MYLK3: variants seen among roughly 807,000 people sequenced by gnomAD.
MYLK3 encodes the protein myosin light chain kinase 3.
In MYLK3, 55 loss-of-function variants were observed where a neutral mutation model predicts 76.3. The ratio of observed to expected loss-of-function variants is 0.72; its 90% confidence interval spans 0.58 to 0.90. The LOEUF is 0.90. MYLK3 is among the 40% of genes least tolerant of loss of function. The pLI is 0.00. For missense variants in MYLK3, 973 were observed against 1,053.6 expected, an observed-to-expected ratio of 0.92 and a Z score of 1.06; for synonymous variants, 416 against 425.4, an observed-to-expected ratio of 0.98 and a Z score of 0.27.
chr16:46,754,291 A>T (rs1417116735), intron 1 of MYLK3, among the ~76,000 whole-genome samples: 2 of 152,032 alleles, frequency 1.3e-5, no homozygotes, highest in Non-Finnish European at 1.5e-5. Flanking sequence ...GAGAAGATTT[A>T]AAAACTCCCT....
chr16:46,709,709 G>T (rs375813659), intron 11 of MYLK3, 38 bp from the exon 12 acceptor site: 66 of 1,601,198 alleles, frequency 4.1e-5, no homozygotes, highest in Non-Finnish European at 5.3e-5. Context: ...TTTAGTTGGA[G>T]TTGCCTTTTC....
intron 9 of MYLK3, among the ~76,000 whole-genome samples, chr16:46,718,372 G>C (rs1401808040): frequency 6.6e-6 from 1 of 152,186 alleles, no homozygotes; most frequent in Non-Finnish European, 1.5e-5. Flanking sequence ...GTGTGATAGA[G>C]ACCCTGTCTC....
rs911323965 is a variant in MYLK3, at chr16:46,724,697, T to C, written c.1914+2539A>G. Among the ~76,000 whole-genome samples, 138 of 152,254 alleles carry C rather than the reference T, an allele frequency of 9.1e-4. 1 individual carries two copies. Among genetic ancestry groups the C allele is most frequent in the Non-Finnish European group, 4.4e-5 (3 of 68,032 alleles). ...TAGTAATACGTTGTTTTGGTTTCTG[T>C]AGCATTGTAGAAAGTTTCAAAATTG... is the stretch of plus-strand genomic sequence containing the variant. On this transcript the variant is annotated intron_variant, in intron 8 of 12. Coordinates refer to ENST00000394809, the MANE Select transcript of MYLK3 (RefSeq NM_182493.3).
rs1193027604 is a variant in MYLK3, at chr16:46,702,925, G to GA, written c.*4778dup. 2.2e-3 allele frequency among the ~76,000 whole-genome samples: 160 copies of GA among 73,612 alleles called. No homozygotes were observed. The highest frequency in any genetic ancestry group is 0.011 in the East Asian group (27 of 2,430). The allele number at this position is 73,612 out of a possible 152,430, so 48.3% of individuals were successfully genotyped here. ...ACAGAGTGAGACTCCATCTTGGAAA[G>GA]AAAAAAAAAAAAAGGAATACATGCT... On this transcript the variant is annotated 3_prime_UTR_variant, in exon 13 of 13. Transcript: ENST00000394809.
intron 3 of MYLK3, among the ~76,000 whole-genome samples, chr16:46,732,978 G>A (rs1177257040): frequency 6.6e-6 from 1 of 152,198 alleles, no homozygotes; most frequent in East Asian, 1.9e-4. Flanking sequence ...CTTCCCCTGG[G>A]CCCAGTTTCC....
intron 1 of MYLK3, chr16:46,757,331 C>A: frequency 7.2e-6 from 7 of 973,380 alleles, no homozygotes; most frequent in Non-Finnish European, 8.5e-6. Context: ...GACCGGGGAA[C>A]AACTGTCACC....
chr16:46,737,834 G>A lies in MYLK3; in HGVS notation c.878C>T (p.Pro293Leu). The A allele has an allele frequency of 6.2e-7, 1 of 1,613,690 alleles. No individual in the cohort carries two copies. The highest frequency in any genetic ancestry group is 2.2e-5 in the East Asian group (1 of 44,874). ...GCCTTCCTCTAAGGGCTCAGGGTCA[G>A]GCCTGCTGGACGATGCTCCTTGTCC... ...GAGQGASSSR[P>L]DPEPLEEGTR... is the part of the protein sequence containing the mutation. Residue 293 changes from proline (P) to leucine (L), a missense_variant, in exon 3 of 13, where the codon CCT (proline) becomes CTT (leucine). Coordinates refer to ENST00000394809, the MANE Select transcript of MYLK3 (RefSeq NM_182493.3).
At chr16:46,740,441 T>C (rs1966910333) in intron 1 of MYLK3, among the ~76,000 whole-genome samples, 1 of 151,104 alleles carries the variant, frequency 6.6e-6, no homozygotes, top group Non-Finnish European at 1.5e-5. Context: ...CAGCCCCCGA[T>C]ACAGGGTTCA....
chr16:46,711,952 T>A (rs1160190895), intron 10 of MYLK3, among the ~76,000 whole-genome samples: 1 of 151,934 alleles, frequency 6.6e-6, no homozygotes, highest in African/African-American at 2.4e-5. Flanking sequence ...ATTACTTTTA[T>A]GTCTCAGTAC....
chr16:46,747,691 G>T lies in MYLK3; in HGVS notation c.477+26C>A, dbSNP rs1245237159. ...CACCAGGGCCGGGGCCTCCCATCCA[G>T]CCAGGGCAGGGAAGCAGGAACCAAC... On this transcript the variant is annotated intron_variant, in intron 1 of 12. Coordinates refer to ENST00000394809, the MANE Select transcript of MYLK3 (RefSeq NM_182493.3). The T allele has an allele frequency of 2.5e-6, 4 of 1,595,862 alleles. No individual in the cohort carries two copies. The South Asian group carries it at 3.4e-5, about 13-fold the overall frequency.
intron 1 of MYLK3, among the ~76,000 whole-genome samples, chr16:46,742,664 T>C (rs923385704): frequency 1.3e-5 from 2 of 152,180 alleles, no homozygotes; most frequent in African/African-American, 4.8e-5. Flanking sequence ...CTGCTCATTA[T>C]TTTGCGATTC....
At position 46,703,182 on chromosome 16, in the gene MYLK3, T is replaced by A. The variant is rs953365552; in HGVS notation, c.*4522A>T. Reference sequence around the variant, plus strand: ...CTTTCAGTATATCTAGATCTATCTATAACAGCTGTGAGGTATTCCACTACA... The same window carrying A: ...CTTTCAGTATATCTAGATCTATCTAAAACAGCTGTGAGGTATTCCACTACA... On this transcript the variant is annotated 3_prime_UTR_variant, in exon 13 of 13. Transcript: ENST00000394809. Among the ~76,000 whole-genome samples, 12 of 152,314 alleles carry A rather than the reference T, an allele frequency of 7.9e-5. No homozygotes were observed. Among genetic ancestry groups the A allele is most frequent in the African/African-American group, 2.6e-4 (11 of 41,570 alleles).
At chr16:46,751,124 T>C (rs748563435), upstream of MYLK3, among the ~76,000 whole-genome samples, 7 of 150,458 alleles carry the variant, frequency 4.7e-5, no homozygotes, top group Non-Finnish European at 8.9e-5. Context: ...ACATGAATTA[T>C]CTGAGGCCGG....
At chr16:46,722,639 A>G (rs1324988616) in intron 8 of MYLK3, among the ~76,000 whole-genome samples, 1 of 151,948 alleles carries the variant, frequency 6.6e-6, no homozygotes, top group Non-Finnish European at 1.5e-5. Context: ...GTCAAAAGAA[A>G]CAGGTGAACT....
chr16:46,702,408 T>C lies in MYLK3; in HGVS notation c.*5296A>G, dbSNP rs1208701061. Among the ~76,000 whole-genome samples, 2 of 152,132 alleles carry C rather than the reference T, an allele frequency of 1.3e-5. No individual in the cohort carries two copies. The highest frequency in any genetic ancestry group is 2.4e-5 in the African/African-American group (1 of 41,436). ...CCCATACACATCACCTAGACCCAAG[T>C]TATTAGATGTTGCCATACTTGCTTA... On this transcript the variant is annotated 3_prime_UTR_variant, in exon 13 of 13. Transcript: ENST00000394809.
At position 46,703,696 on chromosome 16, in the gene MYLK3, A is replaced by C. The variant is rs968900897; in HGVS notation, c.*4008T>G. The C allele has an allele frequency of 6.5e-6, 1 of 153,794 alleles. No homozygotes were observed. The highest frequency in any genetic ancestry group is 2.4e-5 in the African/African-American group (1 of 41,472). 9.5% of individuals were successfully genotyped at this position (153,794 alleles called of 1,614,324 possible). ...AAAAAAAGGATGCTAAAATCCACAT[A>C]GGTCACTTGTGTTGGCCTGGCCTAA... On this transcript the variant is annotated 3_prime_UTR_variant, in exon 13 of 13. Transcript: ENST00000394809.
chr16:46,726,693 GAAAGAAAGAAAGAAAGAAAGAA>G (rs1474700915), intron 8 of MYLK3: 37 of 129,998 alleles, frequency 2.8e-4, no homozygotes, highest in African/African-American at 1.0e-3. Flanking sequence ...AAGAAAGAAA[GAAAGAAAGAAAGAAAGAAAGAA>G]AGAAAGAAAG....
At chr16:46,740,722 T>C (rs1373619589) in intron 1 of MYLK3, among the ~76,000 whole-genome samples, 1 of 151,754 alleles carries the variant, frequency 6.6e-6, no homozygotes, top group African/African-American at 2.4e-5. Flanking sequence ...CGGCTAATTT[T>C]TGTATTTTTA....
Position 46,706,131 on chromosome 16 carries a change from A to G in MYLK3, c.*1573T>C, listed in dbSNP as rs1966622531. On this transcript the variant is annotated 3_prime_UTR_variant, in exon 13 of 13. Coordinates refer to ENST00000394809, the MANE Select transcript of MYLK3 (RefSeq NM_182493.3). ...GAGTGCCTACCCCCTTGCAGTAGAAAATCTGAGTATAACTTTTGTCTCCCC... is the reference window on the plus strand; with the variant it reads ...GAGTGCCTACCCCCTTGCAGTAGAAGATCTGAGTATAACTTTTGTCTCCCC... 6.6e-6 allele frequency: 1 copy of G among 152,060 alleles called. No homozygotes were observed. The highest frequency in any genetic ancestry group is 2.4e-5 in the African/African-American group (1 of 41,384). 9.4% of individuals were successfully genotyped at this position (152,060 alleles called of 1,614,324 possible). A position where few individuals can be genotyped will look rare whatever the true frequency, so the allele number is the denominator to read the frequency against.
Sources: gnomAD v4.1 joint callset for allele counts (sites outside exome capture counted in the v4.1 genomes callset) on GRCh38, gnomAD v4.1.1 for gene constraint, MANE v1.5 for transcripts, NCBI Gene and HGNC (gene_info 2026-07-23, HGNC 2026-07-21) for gene names.